The following MAPK6 variants were observed in gnomAD, a reference collection of about 807,000 sequenced individuals.
MAPK6 encodes the protein ERK-3.
Under a neutral mutation model 59.3 loss-of-function variants are expected in MAPK6, and 19 were observed. The observed-to-expected ratio is 0.32, with a 90% CI of 0.22 to 0.47. The LOEUF (loss-of-function observed/expected upper bound fraction) is 0.47. Ranked by LOEUF, MAPK6 falls within the 20% of genes least tolerant of loss-of-function variation. The pLI, the probability that MAPK6 is intolerant of heterozygous loss-of-function variation, is 1.00. For synonymous variants in MAPK6, 316 were observed against 290.3 expected, an observed-to-expected ratio of 1.09 and a Z score of -0.90; for missense variants, 724 against 847.9, an observed-to-expected ratio of 0.85 and a Z score of 1.81.
At chr15:52,008,443 C>A (rs535670082) in intron 3 of MAPK6, among the ~76,000 whole-genome samples, 1 of 152,284 alleles carries the variant, frequency 6.6e-6, no homozygotes, top group East Asian at 1.9e-4. Context: ...TGTATTAATA[C>A]TTATTTGCTT....
chr15:52,038,779 T>C (rs770326361), intron 1 of MAPK6, among the ~76,000 whole-genome samples: 9 of 152,168 alleles, frequency 5.9e-5, no homozygotes, highest in Non-Finnish European at 8.8e-5. Context: ...AGCGTTATTA[T>C]AATTATTTAA....
chr15:51,995,095 A>C (rs2057220741), intron 2 of MAPK6, among the ~76,000 whole-genome samples: 1 of 152,204 alleles, frequency 6.6e-6, no homozygotes. Context: ...TTTAGTGTCC[A>C]GGATGTTTGC....
In MAPK6 at chr15:51,994,716, GA is replaced by G. The variant is rs577813661; in HGVS notation, c.-769-9548del. 2.6e-5 allele frequency among the ~76,000 whole-genome samples: 4 copies of G among 152,322 alleles called. No individual in the cohort carries two copies. The South Asian group carries it at 8.3e-4, about 32-fold the overall frequency. ...AGTGATCAAAATCAGCCACATCAGTGATGGGACAAATTGACATCATGCTATT... is the reference window on the plus strand; with the variant it reads ...AGTGATCAAAATCAGCCACATCAGTGTGGGACAAATTGACATCATGCTATT... On this transcript the variant is annotated intron_variant, in intron 2 of 7. Transcript: ENST00000691380.
chr15:51,977,013 G>T (rs1033156011), intron 1 of MAPK6, among the ~76,000 whole-genome samples: 2 of 151,458 alleles, frequency 1.3e-5, no homozygotes, highest in Middle Eastern at 3.4e-3. Context: ...TATTATTTTT[G>T]GGGGAAGGGG....
At chr15:52,055,577 A>G (rs1026551718) in intron 3 of MAPK6, among the ~76,000 whole-genome samples, 7 of 152,128 alleles carry the variant, frequency 4.6e-5, no homozygotes, top group East Asian at 1.9e-4. Flanking sequence ...GTGCAGTTGC[A>G]TGAGCTCAGC....
At chr15:51,982,125 A>G (rs1425376991) in intron 1 of MAPK6, among the ~76,000 whole-genome samples, 1 of 152,236 alleles carries the variant, frequency 6.6e-6, no homozygotes, top group East Asian at 1.9e-4. Context: ...AGGAACCACT[A>G]AAACAGATCC....
intron 4 of MAPK6, among the ~76,000 whole-genome samples, chr15:52,059,884 C>T (rs1288886570): frequency 6.6e-6 from 1 of 152,166 alleles, no homozygotes; most frequent in African/African-American, 2.4e-5. Context: ...TATTTTGGGA[C>T]AGAGCACATT....
intron 1 of MAPK6, among the ~76,000 whole-genome samples, chr15:51,976,181 G>A (rs139051274): frequency 0.01 from 1,551 of 149,672 alleles, 30 homozygotes; most frequent in African/African-American, 0.036. Flanking sequence ...CAGAAGAATC[G>A]CTTGAACCCG....
chr15:52,045,313 C>G (rs1251885796), intron 1 of MAPK6, among the ~76,000 whole-genome samples: 1 of 152,128 alleles, frequency 6.6e-6, no homozygotes, highest in Non-Finnish European at 1.5e-5. Flanking sequence ...AATACCTTTT[C>G]ATAGGTATTA....
chr15:52,038,115 G>T (rs771743767), intron 1 of MAPK6, among the ~76,000 whole-genome samples: 2 of 150,202 alleles, frequency 1.3e-5, no homozygotes, highest in African/African-American at 2.5e-5. Flanking sequence ...ACATGCCCCT[G>T]TGCTCCAGGA....
chr15:52,049,006 C>T (rs1004250694), intron 2 of MAPK6, among the ~76,000 whole-genome samples: 3 of 152,180 alleles, frequency 2.0e-5, no homozygotes, highest in Non-Finnish European at 4.4e-5. Flanking sequence ...ATCCAACTAG[C>T]TATATGACTT....
chr15:51,987,847 C>T (rs1434229301), intron 2 of MAPK6, among the ~76,000 whole-genome samples: 4 of 147,920 alleles, frequency 2.7e-5, no homozygotes, highest in Non-Finnish European at 4.4e-5. Context: ...CTCACTGCAA[C>T]CTCCTCCTCC....
rs183897238 is a variant in MAPK6 at position 51,996,148 on chromosome 15, C to G, written c.-769-8117C>G. 8.5e-4 allele frequency among the ~76,000 whole-genome samples: 130 copies of G among 152,124 alleles called. 2 individuals carry two copies. The highest frequency in any genetic ancestry group is 3.0e-3 in the African/African-American group (126 of 41,532). ...CCTTCACAACAAGGCAAGGGAATAA[C>G]AACAAGAGGCATTCAAGCAGATCCT... On this transcript the variant is annotated intron_variant, in intron 2 of 7. Transcript: ENST00000691380.
At chr15:52,063,793 A>C (rs1454220668) in intron 5 of MAPK6, 109 bp from the exon 6 acceptor site, 1 of 870,804 alleles carries the variant, frequency 1.1e-6, no homozygotes. Context: ...ACTCTCCTAT[A>C]ATTATCCCCT....
In MAPK6 at chr15:52,061,528, A is replaced by G. The variant is rs545212402; in HGVS notation, c.1067+28A>G. The G allele has an allele frequency of 1.5e-4, 225 of 1,534,766 alleles. 1 individual carries two copies. The South Asian group carries it at 2.5e-3, about 17-fold the overall frequency. Reference sequence around the variant, plus strand: ...AAATTGATCCTAAATTAGAAAAATAATATTTACTGAACTTTCAGTGGACCA... The same window carrying G: ...AAATTGATCCTAAATTAGAAAAATAGTATTTACTGAACTTTCAGTGGACCA... On this transcript the variant is annotated intron_variant, in intron 5 of 5. Coordinates refer to ENST00000261845, the MANE Select transcript of MAPK6 (RefSeq NM_002748.4).
chr15:52,062,980 C>G (rs1344411229), intron 5 of MAPK6, among the ~76,000 whole-genome samples: 1 of 152,196 alleles, frequency 6.6e-6, no homozygotes, highest in Non-Finnish European at 1.5e-5. Flanking sequence ...TTTTCCCCCT[C>G]CTCAAATGTT....
chr15:51,973,127 A>G (rs1046560518), intron 1 of MAPK6, among the ~76,000 whole-genome samples: 1 of 151,850 alleles, frequency 6.6e-6, no homozygotes, highest in Non-Finnish European at 1.5e-5. Context: ...TATATGATAT[A>G]TATTTTTGTA....
At chr15:52,035,458 A>T (rs2031206714) in intron 1 of MAPK6, 1 of 151,938 alleles carries the variant, frequency 6.6e-6, no homozygotes, top group Non-Finnish European at 1.5e-5. Flanking sequence ...AATATGGTGA[A>T]ACTAAAAATA....
At chr15:52,029,871 C>T (rs910253943) in intron 1 of MAPK6, among the ~76,000 whole-genome samples, 1 of 152,168 alleles carries the variant, frequency 6.6e-6, no homozygotes, top group Admixed American at 6.5e-5. Flanking sequence ...ACTCAGCTAC[C>T]TTCTTCAGAC....
Sources: allele counts gnomAD v4.1 joint callset (sites outside exome capture counted in the v4.1 genomes callset), GRCh38; gene constraint gnomAD v4.1.1; transcripts MANE v1.5; gene names NCBI Gene and HGNC (gene_info 2026-07-23, HGNC 2026-07-21).